BET1: variants seen among roughly 807,000 people sequenced by gnomAD.
BET1 encodes Bet1 golgi vesicular membrane trafficking protein.
A neutral mutation model predicts 13.9 loss-of-function variants in BET1; 9 were observed. That is an observed-to-expected ratio of 0.65 (90% CI 0.39 to 1.13). The LOEUF is 1.13. BET1 is among the 50% of genes most tolerant of loss of function. The pLI is 0.01. For synonymous variants in BET1, 39 were observed against 47.3 expected, an observed-to-expected ratio of 0.82 and a Z score of 0.72; for missense variants, 127 against 133.6, an observed-to-expected ratio of 0.95 and a Z score of 0.24.
At chr7:93,999,818 G>A in intron 1 of BET1, 1 of 403,316 alleles carries the variant, frequency 2.5e-6, no homozygotes, top group East Asian at 7.4e-5. Flanking sequence ...GAAGCTCTAG[G>A]AAAGAGACAC....
intron 4 of BET1, among the ~76,000 whole-genome samples, chr7:93,986,090 C>T (rs1270989063): frequency 6.6e-5 from 10 of 152,140 alleles, no homozygotes; most frequent in Non-Finnish European, 1.2e-4. Context: ...TGATGGTAGC[C>T]AGACCAGAAA....
chr7:93,985,559 G>A (rs1795510562), intron 4 of BET1, among the ~76,000 whole-genome samples: 1 of 152,108 alleles, frequency 6.6e-6, no homozygotes, highest in Non-Finnish European at 1.5e-5. Context: ...ATAGTGGAGA[G>A]TTCATATTCA....
At chr7:93,967,624 G>A (rs191797488) in intron 6 of BET1, among the ~76,000 whole-genome samples, 29 of 151,716 alleles carry the variant, frequency 1.9e-4, no homozygotes, top group Non-Finnish European at 3.0e-4. Flanking sequence ...ATATTATGAC[G>A]TCTATTAACA....
At chr7:93,965,448 T>C (rs1290835307) in exon 7 of BET1, 1 of 152,104 alleles carries the variant, frequency 6.6e-6, no homozygotes. Flanking sequence ...TATGCTAATA[T>C]ATAATCTATA....
intron 4 of BET1, among the ~76,000 whole-genome samples, chr7:93,976,472 AT>A (rs1795338824): frequency 6.6e-6 from 1 of 152,074 alleles, no homozygotes; most frequent in South Asian, 2.1e-4. Flanking sequence ...TAACATAAGA[AT>A]GTTTGGTATT....
intron 6 of BET1, among the ~76,000 whole-genome samples, chr7:93,968,976 C>T (rs966834816): frequency 2.0e-4 from 30 of 151,882 alleles, no homozygotes; most frequent in Non-Finnish European, 3.8e-4. Flanking sequence ...CTTCCCCATC[C>T]GTTCACCAGT....
exon 7 of BET1, chr7:93,965,626 G>T (rs928766972): frequency 6.6e-6 from 1 of 152,002 alleles, no homozygotes; most frequent in South Asian, 2.1e-4. Context: ...AATAGAGTTT[G>T]TGTCCTGGGG....
chr7:93,969,632 C>T (rs1795228039), intron 6 of BET1: 1 of 151,646 alleles, frequency 6.6e-6, no homozygotes, highest in South Asian at 2.1e-4. Flanking sequence ...AATTATAATC[C>T]ATAAGGTATT....
chr7:93,983,751 C>CA (rs1795471961), intron 4 of BET1, among the ~76,000 whole-genome samples: 5 of 151,730 alleles, frequency 3.3e-5, no homozygotes, highest in Admixed American at 2.6e-4. Flanking sequence ...TTCAGTCATG[C>CA]ATTGCAAAAA....
At chr7:94,003,276 T>G (rs954507214) in intron 1 of BET1, among the ~76,000 whole-genome samples, 1 of 152,114 alleles carries the variant, frequency 6.6e-6, no homozygotes, top group Non-Finnish European at 1.5e-5. Flanking sequence ...CATACTACAA[T>G]TTATTGATCA....
chr7:93,964,930 T>C (rs1795150083), exon 7 of BET1: 1 of 152,058 alleles, frequency 6.6e-6, no homozygotes, highest in Non-Finnish European at 1.5e-5. Flanking sequence ...TCTCAACTAA[T>C]TTAAAACAGA....
chr7:93,965,720 G>A (rs571096960), intron 6 of BET1: 1 of 152,100 alleles, frequency 6.6e-6, no homozygotes, highest in Admixed American at 6.6e-5. Flanking sequence ...GAAAGTATAA[G>A]TAATAAAATA....
intron 3 of BET1, 69 bp downstream of exon 3, chr7:93,996,195 TA>T: frequency 1.7e-6 from 2 of 1,181,114 alleles, no homozygotes; most frequent in Non-Finnish European, 1.2e-6. Context: ...TCAAAATGAA[TA>T]AAAGTTGAAA....
downstream of BET1, chr7:93,992,891 C>T (rs1328697837): frequency 4.1e-6 from 4 of 985,110 alleles, no homozygotes; most frequent in African/African-American, 3.5e-5. Context: ...TCCCATCACA[C>T]GTCAGGCTTA....
chr7:93,988,910 T>C (rs1795575807), downstream of BET1, among the ~76,000 whole-genome samples: 1 of 149,240 alleles, frequency 6.7e-6, no homozygotes, highest in Non-Finnish European at 1.5e-5. Flanking sequence ...AGACACACAG[T>C]GGTAGAAAAA....
intron 1 of BET1, among the ~76,000 whole-genome samples, chr7:94,000,862 C>T (rs1208900822): frequency 6.6e-6 from 1 of 152,154 alleles, no homozygotes; most frequent in African/African-American, 2.4e-5. Flanking sequence ...GCCTGCTGCA[C>T]ACAGTTGCTT....
At chr7:93,984,450 A>C (rs559893348) in intron 4 of BET1, among the ~76,000 whole-genome samples, 1 of 152,296 alleles carries the variant, frequency 6.6e-6, no homozygotes, top group South Asian at 2.1e-4. Context: ...GTACTGTTAC[A>C]ATGTCATTCT....
chr7:93,998,267 G>A (rs1176284675), intron 2 of BET1, among the ~76,000 whole-genome samples: 1 of 152,196 alleles, frequency 6.6e-6, no homozygotes. Flanking sequence ...GGACGCTGAA[G>A]ACTTCTGGGA....
chr7:93,984,239 C>T (rs1236376263), intron 4 of BET1, among the ~76,000 whole-genome samples: 1 of 152,074 alleles, frequency 6.6e-6, no homozygotes, highest in Non-Finnish European at 1.5e-5. Flanking sequence ...AAATGTCCTT[C>T]CTCTTGTAAG....
Sources: gnomAD v4.1 joint callset for allele counts (sites outside exome capture counted in the v4.1 genomes callset) on GRCh38, gnomAD v4.1.1 for gene constraint, MANE v1.5 for transcripts, NCBI Gene and HGNC (gene_info 2026-07-23, HGNC 2026-07-21) for gene names.